NRXN1: variants seen among roughly 807,000 people sequenced by gnomAD.
NRXN1 encodes the protein neurexin-1.
In NRXN1, 39 loss-of-function variants were observed where a neutral mutation model predicts 150.9. The observed-to-expected ratio is 0.26, with a 90% CI of 0.20 to 0.34. The LOEUF (loss-of-function observed/expected upper bound fraction) is 0.34, where lower values mean the gene tolerates loss of function less well. Among genes scored for constraint, NRXN1 ranks in the 10% least tolerant of loss-of-function variants. The probability of loss-of-function intolerance (pLI) is 1.00; values close to 1 mark genes in which losing one functional copy is unlikely to be tolerated. For missense variants in NRXN1, 1,815 were observed against 1,949.9 expected, an observed-to-expected ratio of 0.93 and a Z score of 1.30; for synonymous variants, 924 against 757.0, an observed-to-expected ratio of 1.22 and a Z score of -3.62.
chr2:50,152,739 A>G (rs903127432), intron 18 of NRXN1, among the ~76,000 whole-genome samples: 8 of 151,686 alleles, frequency 5.3e-5, no homozygotes, highest in African/African-American at 1.7e-4. Context: ...CTTCTCTCTC[A>G]CTACTTTTAA....
chr2:50,508,009 A>G (rs879307170), intron 12 of NRXN1, among the ~76,000 whole-genome samples: 2 of 152,082 alleles, frequency 1.3e-5, no homozygotes, highest in African/African-American at 2.4e-5. Flanking sequence ...AAAAGAGGAG[A>G]GCAAGAGAGA....
intron 17 of NRXN1, among the ~76,000 whole-genome samples, chr2:50,394,368 C>A (rs188639928): frequency 1.3e-5 from 2 of 152,188 alleles, no homozygotes; most frequent in East Asian, 1.9e-4. Context: ...CAACCTCCCC[C>A]AAAGGATAAA....
At chr2:50,166,409 C>T (rs971590231) in intron 18 of NRXN1, among the ~76,000 whole-genome samples, 3 of 151,528 alleles carry the variant, frequency 2.0e-5, no homozygotes, top group Non-Finnish European at 4.4e-5. Context: ...GGACCTCAGT[C>T]CTACAGCCTC....
At chr2:50,129,932 T>G (rs12613266) in intron 18 of NRXN1, among the ~76,000 whole-genome samples, 1 of 152,150 alleles carries the variant, frequency 6.6e-6, no homozygotes, top group Non-Finnish European at 1.5e-5. Flanking sequence ...ATATAATTTA[T>G]ATTTTCTATA....
intron 5 of NRXN1, among the ~76,000 whole-genome samples, chr2:50,828,404 C>T (rs577154574): frequency 2.9e-4 from 44 of 151,368 alleles, no homozygotes; most frequent in Non-Finnish European, 5.5e-4. Context: ...GGGTGGCTGC[C>T]GGGCGGAGGG....
intron 18 of NRXN1, among the ~76,000 whole-genome samples, chr2:50,171,424 C>T (rs1450016548): frequency 2.1e-5 from 3 of 144,978 alleles, no homozygotes; most frequent in African/African-American, 5.0e-5. Context: ...ATTTTTAGGC[C>T]CCATTAATGA....
intron 21 of NRXN1, among the ~76,000 whole-genome samples, chr2:49,987,377 T>G (rs1681110083): frequency 6.6e-6 from 1 of 152,208 alleles, no homozygotes; most frequent in South Asian, 2.1e-4. Flanking sequence ...AGATCATATT[T>G]TGAGAAACAC....
chr2:50,142,503 T>C (rs916944549), intron 18 of NRXN1, among the ~76,000 whole-genome samples: 5 of 151,850 alleles, frequency 3.3e-5, no homozygotes, highest in African/African-American at 1.2e-4. Context: ...AAGCTCAAGG[T>C]GATGAATATC....
In NRXN1 at chr2:50,538,359, C is replaced by A; in HGVS notation, c.2037G>T (p.Pro679=). Residue 679 remains proline, a synonymous_variant, in exon 10 of 23, where the codon CCG becomes CCT. Coordinates refer to ENST00000401669, the MANE Select transcript of NRXN1 (RefSeq NM_001330078.2). ...TGTTTTTGCAAGGGTTGCTAAGGCA[C>A]GGTTTTGCTGTTTCCTTTGAGCAGG... The part of the protein sequence containing the change: ...KPSCSKETAK[P]CLSNPCKNNG... The A allele has an allele frequency of 6.2e-7, 1 of 1,613,990 alleles. No individual in the cohort carries two copies. The highest frequency in any genetic ancestry group is 1.1e-5 in the South Asian group (1 of 91,090).
Position 50,299,734 on chromosome 2 carries a change from C to G in NRXN1, c.3365-62764G>C, listed in dbSNP as rs374575866. 1.8e-4 allele frequency among the ~76,000 whole-genome samples: 27 copies of G among 152,270 alleles called. No individual in the cohort carries two copies. In the East Asian group the frequency reaches 3.1e-3, roughly 17 times the overall value. ...ATCTGTATATCCACATAAAGCAACA[C>G]AAGTAGTCCAACTAAACCCGCTGAT... is the stretch of plus-strand genomic sequence containing the variant. On this transcript the variant is annotated intron_variant, in intron 17 of 22. Transcript: ENST00000401669.
At position 50,465,577 on chromosome 2, in the gene NRXN1, A is replaced by T. The variant is rs761950389; in HGVS notation, c.3245-16T>A. The T allele has an allele frequency of 6.3e-7, 1 of 1,593,636 alleles. No individual in the cohort carries two copies. The highest frequency in any genetic ancestry group is 8.6e-7 in the Non-Finnish European group (1 of 1,168,818). On this transcript the variant is annotated splice_polypyrimidine_tract_variant and intron_variant, in intron 16 of 22. Coordinates refer to ENST00000401669, the MANE Select transcript of NRXN1 (RefSeq NM_001330078.2). ...GTGCTGGGCCCTGCAAAACAATCCA[A>T]AGGAAACTTGGGTTCTTTAAAAGAA... is the stretch of plus-strand genomic sequence containing the variant.
chr2:50,085,004 A>T (rs1400145869), intron 19 of NRXN1, among the ~76,000 whole-genome samples: 1 of 146,956 alleles, frequency 6.8e-6, no homozygotes, highest in Non-Finnish European at 1.5e-5. Flanking sequence ...CTGTGAAAAA[A>T]GATAATTAAA....
intron 17 of NRXN1, among the ~76,000 whole-genome samples, chr2:50,276,054 A>G (rs2085141581): frequency 6.6e-6 from 1 of 151,912 alleles, no homozygotes; most frequent in African/African-American, 2.4e-5. Context: ...AAACTGCAAA[A>G]TGGAAATATT....
chr2:50,730,645 A>G (rs72837040), intron 5 of NRXN1, among the ~76,000 whole-genome samples: 13,641 of 150,832 alleles, frequency 0.09, 697 homozygotes, highest in Middle Eastern at 0.13. Context: ...CTTTGACTAC[A>G]AAATCTTCCT....
At chr2:50,515,312 T>G (rs1346308126) in intron 12 of NRXN1, among the ~76,000 whole-genome samples, 2 of 152,218 alleles carry the variant, frequency 1.3e-5, no homozygotes, top group African/African-American at 4.8e-5. Context: ...GTTTTACTGA[T>G]TCTACCTTAT....
chr2:50,440,118 A>C (rs1436523421), intron 17 of NRXN1, among the ~76,000 whole-genome samples: 1 of 152,180 alleles, frequency 6.6e-6, no homozygotes. Context: ...CGTTGGAAGC[A>C]AGGATAGCAG....
intron 17 of NRXN1, among the ~76,000 whole-genome samples, chr2:50,400,438 T>G (rs982614050): frequency 6.6e-6 from 1 of 152,088 alleles, no homozygotes; most frequent in African/African-American, 2.4e-5. Flanking sequence ...CATATAAACA[T>G]AATAAAGTGG....
rs1049024180 is a variant in NRXN1, at chr2:50,231,150, A to C, written c.3546+5639T>G. On this transcript the variant is annotated intron_variant, in intron 18 of 22. Coordinates refer to ENST00000401669, the MANE Select transcript of NRXN1 (RefSeq NM_001330078.2). ...TTACAGGACTGAATCTGAATACTAT[A>C]TGGCAAAGTTAAACCTCTATAAAAT... Among the ~76,000 whole-genome samples, 5 of 152,260 alleles carry C rather than the reference A, an allele frequency of 3.3e-5. No individual in the cohort carries two copies. The East Asian group carries it at 9.7e-4, about 29-fold the overall frequency.
intron 18 of NRXN1, among the ~76,000 whole-genome samples, chr2:50,155,237 TA>T: frequency 6.6e-6 from 1 of 151,736 alleles, no homozygotes; most frequent in African/African-American, 2.4e-5. Flanking sequence ...TATCCCAGGT[TA>T]TTTTTGTTAG....
Sources: gnomAD v4.1 joint callset for allele counts (sites outside exome capture counted in the v4.1 genomes callset) on GRCh38, gnomAD v4.1.1 for gene constraint, MANE v1.5 for transcripts, NCBI Gene and HGNC (gene_info 2026-07-23, HGNC 2026-07-21) for gene names.